POLR1C: variants seen among roughly 807,000 people sequenced by gnomAD.
The protein encoded by POLR1C is DNA-directed RNA polymerases I and III subunit RPAC1.
POLR1C carries 42 observed loss-of-function variants against 38.3 expected under a neutral mutation model. The ratio of observed to expected loss-of-function variants is 1.10; its 90% confidence interval spans 0.86 to 1.42. The LOEUF (loss-of-function observed/expected upper bound fraction) is 1.42. Ranked by LOEUF, POLR1C falls within the 40% of genes most tolerant of loss-of-function variation. The probability of loss-of-function intolerance (pLI) is 0.00; values close to 1 mark genes in which losing one functional copy is unlikely to be tolerated. For synonymous variants in POLR1C, 163 were observed against 163.9 expected, an observed-to-expected ratio of 0.99 and a Z score of 0.04; for missense variants, 507 against 450.5, an observed-to-expected ratio of 1.13 and a Z score of -1.14.
chr6:43,526,862 G>A (rs1793627557), intron 8 of POLR1C: 1 of 1,041,246 alleles, frequency 9.6e-7, no homozygotes, highest in Admixed American at 2.0e-5. Flanking sequence ...GAGGAAGATG[G>A]GGGTACCGTC....
intron 10 of POLR1C, chr6:43,551,448 A>G: frequency 6.2e-7 from 1 of 1,611,804 alleles, no homozygotes; most frequent in Non-Finnish European, 8.5e-7. Flanking sequence ...CATTAACAGG[A>G]ATTTCCTGTA....
downstream of POLR1C, chr6:43,526,306 C>A: frequency 2.8e-6 from 1 of 361,600 alleles, no homozygotes; most frequent in Non-Finnish European, 5.1e-6. Flanking sequence ...GAAAGGAATA[C>A]ATAAATAAAA....
Position 43,526,602 on chromosome 6 carries a change from C to A in POLR1C, c.923-2647C>A, listed in dbSNP as rs1035167458. 7 of 1,510,514 alleles carry A rather than the reference C, an allele frequency of 4.6e-6. No homozygotes were observed. In the African/African-American group the frequency reaches 9.6e-5, roughly 21 times the overall value. The allele number at this position is 1,510,514 out of a possible 1,614,324, so 93.6% of individuals were successfully genotyped here. On this transcript the variant is annotated intron_variant, in intron 8 of 8. Transcript: ENST00000304004. ...TGTAGGGTGTCTTCTCCTCACCAGA[C>A]TGCAAGGAAACTGACCTGGTTCAGA...
chr6:43,553,008 T>C (rs1047731265), intron 10 of POLR1C, among the ~76,000 whole-genome samples: 2 of 145,880 alleles, frequency 1.4e-5, no homozygotes, highest in African/African-American at 5.5e-5. Context: ...TCCATAGATT[T>C]TCCTATTCTA....
At position 43,517,376 on chromosome 6, in the gene POLR1C, A is replaced by G. The variant is rs778387346; in HGVS notation, c.140A>G (p.Lys47Arg). ...GCCTGGGACCAGGACCGCTTCGAGA[A>G]GGTAAGTGGGGCCGGAGTTGTCTGG... ...DDAWDQDRFE[K>R]NFRVDVVHMD... The change falls in exon 2 of 9, where the codon AAG becomes AGG. Residue 47 changes from lysine to arginine, a missense_variant and splice_region_variant. Coordinates refer to ENST00000642195, the MANE Select transcript of POLR1C (RefSeq NM_203290.4). 5 of 1,613,480 alleles carry G rather than the reference A, an allele frequency of 3.1e-6. No homozygotes were observed. The highest frequency in any genetic ancestry group is 4.2e-6 in the Non-Finnish European group (5 of 1,179,818).
At chr6:43,524,837 C>T (rs1373674351), downstream of POLR1C, 5 of 1,611,694 alleles carry the variant, frequency 3.1e-6, no homozygotes, top group Non-Finnish European at 4.2e-6. Context: ...TCACCAGTGC[C>T]TCGTATATCT....
At chr6:43,551,047 T>C in intron 10 of POLR1C, 1 of 305,662 alleles carries the variant, frequency 3.3e-6, no homozygotes, top group Non-Finnish European at 6.0e-6. Flanking sequence ...AATGAATAAA[T>C]AGCTGTGTTT....
chr6:43,531,168 C>T (rs79568089), downstream of POLR1C, among the ~76,000 whole-genome samples: 1,998 of 152,270 alleles, frequency 0.013, 22 homozygotes, highest in Non-Finnish European at 0.021. Flanking sequence ...AGAAGTATGC[C>T]GCAAGCAGTG....
intron 10 of POLR1C, chr6:43,556,109 C>G: frequency 9.2e-7 from 1 of 1,083,606 alleles, no homozygotes. Context: ...AATAATCACT[C>G]AATAAAACTT....
chr6:43,531,861 T>C (rs1794004790), downstream of POLR1C, among the ~76,000 whole-genome samples: 1 of 152,138 alleles, frequency 6.6e-6, no homozygotes, highest in Non-Finnish European at 1.5e-5. Context: ...TATTTTTCCA[T>C]AAAGCTCTGG....
intron 8 of POLR1C, chr6:43,527,861 G>A: frequency 1.1e-6 from 1 of 919,874 alleles, no homozygotes; most frequent in Non-Finnish European, 1.6e-6. Context: ...CAAAAGTTGG[G>A]AATGGACAGC....
intron 9 of POLR1C, chr6:43,539,600 C>T: frequency 7.2e-7 from 1 of 1,381,292 alleles, no homozygotes; most frequent in Non-Finnish European, 1.0e-6. Flanking sequence ...GCGACCCCGG[C>T]CCCGGATGCC....
At chr6:43,529,282 C>T (rs1793795086) in exon 9 of POLR1C, 1 of 1,310,860 alleles carries the variant, frequency 7.6e-7, no homozygotes, top group South Asian at 1.2e-5. Context: ...GTGGCTCACA[C>T]CTGTAATCCC....
chr6:43,531,981 A>C (rs558120419), downstream of POLR1C, among the ~76,000 whole-genome samples: 2 of 152,244 alleles, frequency 1.3e-5, no homozygotes, highest in East Asian at 3.9e-4. Flanking sequence ...AGTATTAAAA[A>C]CTGCCTTAAA....
rs904693173 is a variant in POLR1C, at chr6:43,547,588, C to T, written c.*5-3380C>T. On this transcript the variant is annotated intron_variant, in intron 9 of 10. Transcript: ENST00000607635. ...CCTACCCATGGCCAATGCCACTTCC[C>T]ATTCCCAGGAAAGTCTTACTCGTGC... is the stretch of plus-strand genomic sequence containing the variant. The T allele has an allele frequency of 3.7e-6, 6 of 1,612,350 alleles. No individual in the cohort carries two copies. Among genetic ancestry groups the T allele is most frequent in the Admixed American group, 3.3e-5 (2 of 59,978 alleles).
chr6:43,524,806 C>T (rs1464024212), downstream of POLR1C: 1 of 1,611,722 alleles, frequency 6.2e-7, no homozygotes, highest in African/African-American at 1.3e-5. Context: ...TGCAGCCATC[C>T]TTCCCCCATG....
intron 9 of POLR1C, chr6:43,546,866 G>T: frequency 3.8e-6 from 4 of 1,047,814 alleles, no homozygotes; most frequent in Non-Finnish European, 5.4e-6. Flanking sequence ...CAGAGAGAAT[G>T]AAATAATCCT....
At position 43,520,336 on chromosome 6, in the gene POLR1C, C is replaced by T. The variant is rs779712394; in HGVS notation, c.564C>T (p.Gly188=). ...ACCAGGCTGATCTCTTTCCAGAGGG[C>T]ACTATCCGACCAGTGCATGATGATA... ...LGNQADLFPE[G]TIRPVHDDIL... Residue 188 remains glycine, a synonymous_variant, in exon 6 of 9, where the codon GGC becomes GGT. Coordinates refer to ENST00000642195, the MANE Select transcript of POLR1C (RefSeq NM_203290.4). 2 of 1,613,306 alleles carry T rather than the reference C, an allele frequency of 1.2e-6. No individual in the cohort carries two copies. The highest frequency in any genetic ancestry group is 1.3e-5 in the African/African-American group (1 of 74,920).
chr6:43,522,651 G>C (rs775348178), downstream of POLR1C: 1 of 447,818 alleles, frequency 2.2e-6, no homozygotes, highest in Non-Finnish European at 4.8e-6. Flanking sequence ...ATCTGACCCT[G>C]CCTGTGGCCC....
Sources: allele counts gnomAD v4.1 joint callset (sites outside exome capture counted in the v4.1 genomes callset), GRCh38; gene constraint gnomAD v4.1.1; transcripts MANE v1.5; gene names NCBI Gene and HGNC (gene_info 2026-07-23, HGNC 2026-07-21).